Variants in MGST1 observed in about 807,000 individuals in gnomAD.
MGST1 encodes the protein glutathione S-transferase 12.
Under a neutral mutation model 8.9 loss-of-function variants are expected in MGST1, and 5 were observed. That is an observed-to-expected ratio of 0.56 (90% CI 0.29 to 1.19). MGST1 has a LOEUF of 1.19. Among genes scored for constraint, MGST1 ranks in the 50% most tolerant of loss-of-function variants. MGST1 has a pLI of 0.08. For synonymous variants in MGST1, 54 were observed against 67.8 expected, an observed-to-expected ratio of 0.80 and a Z score of 1.00; for missense variants, 182 against 187.4, an observed-to-expected ratio of 0.97 and a Z score of 0.17.
chr12:16,441,943 G>T (rs758776379), downstream of MGST1, among the ~76,000 whole-genome samples: 1 of 151,686 alleles, frequency 6.6e-6, no homozygotes, highest in Admixed American at 6.6e-5. Flanking sequence ...TTGCATCTCC[G>T]TCAGCAATGC....
intron 4 of MGST1, among the ~76,000 whole-genome samples, chr12:16,569,114 C>T (rs938659933): frequency 6.6e-6 from 1 of 152,126 alleles, no homozygotes; most frequent in Non-Finnish European, 1.5e-5. Context: ...AAGACAGCAA[C>T]AACAATATGT....
chr12:16,571,761 C>A (rs1425620336), intron 4 of MGST1, among the ~76,000 whole-genome samples: 4 of 151,976 alleles, frequency 2.6e-5, no homozygotes, highest in Non-Finnish European at 5.9e-5. Context: ...TTCTGTGATT[C>A]TTCATTCTAA....
intron 4 of MGST1, among the ~76,000 whole-genome samples, chr12:16,568,257 T>C (rs950277352): frequency 7.2e-5 from 11 of 152,204 alleles, no homozygotes; most frequent in African/African-American, 1.4e-4. Context: ...ATAAAATACC[T>C]GCCATAAACA....
chr12:16,448,023 A>G (rs1941095294), intron 4 of MGST1, among the ~76,000 whole-genome samples: 1 of 151,860 alleles, frequency 6.6e-6, no homozygotes, highest in South Asian at 2.1e-4. Context: ...TCATCTATGT[A>G]TGGTAGTAGT....
chr12:16,524,305 TG>T (rs1244247134), intron 4 of MGST1, among the ~76,000 whole-genome samples: 5 of 152,078 alleles, frequency 3.3e-5, no homozygotes, highest in Non-Finnish European at 7.4e-5. Flanking sequence ...TAAAATACTT[TG>T]GTTCAGAACT....
Position 16,482,570 on chromosome 12 carries a change from G to A in MGST1, n.482+98966G>A, listed in dbSNP as rs771752403. Among the ~76,000 whole-genome samples the A allele has an allele frequency of 3.1e-4, 47 of 151,928 alleles. No individual in the cohort carries two copies. The highest frequency in any genetic ancestry group is 4.9e-4 in the Non-Finnish European group (33 of 67,986). Reference sequence around the variant, plus strand: ...TGCTTGAAACTGGGAGGTGGAGATTGCAGTGAGCCAAGATCACGCCACTGC... The same window carrying A: ...TGCTTGAAACTGGGAGGTGGAGATTACAGTGAGCCAAGATCACGCCACTGC... On this transcript the variant is annotated intron_variant and non_coding_transcript_variant, in intron 4 of 4. Transcript: ENST00000538857. This position sits in a 1 kb window ranked among gnomAD's most constrained non-coding sequence, Gnocchi z 4.2.
chr12:16,348,411 G>A (rs1382334972), intron 1 of MGST1, among the ~76,000 whole-genome samples: 3 of 152,116 alleles, frequency 2.0e-5, no homozygotes, highest in Non-Finnish European at 4.4e-5. Flanking sequence ...AAAAGGAGAA[G>A]GGAACTCTCT....
At chr12:16,507,727 T>C (rs1941548402) in intron 4 of MGST1, among the ~76,000 whole-genome samples, 1 of 152,042 alleles carries the variant, frequency 6.6e-6, no homozygotes, top group Non-Finnish European at 1.5e-5. Flanking sequence ...GGGGAAGTGC[T>C]ACACTTTCAA....
At chr12:16,405,231 A>T (rs762605939) in intron 1 of MGST1, among the ~76,000 whole-genome samples, 2 of 152,158 alleles carry the variant, frequency 1.3e-5, no homozygotes, top group South Asian at 2.1e-4. Flanking sequence ...AATTCAAAAG[A>T]TTAGCAAATC....
chr12:16,412,588 T>G (rs1219944550), intron 1 of MGST1, among the ~76,000 whole-genome samples: 1 of 152,206 alleles, frequency 6.6e-6, no homozygotes, highest in Non-Finnish European at 1.5e-5. Context: ...TGCCCACATG[T>G]CCTGGGAGGG....
At chr12:16,499,694 G>A (rs1565465238) in intron 4 of MGST1, among the ~76,000 whole-genome samples, 1 of 151,696 alleles carries the variant, frequency 6.6e-6, no homozygotes, top group Non-Finnish European at 1.5e-5. Flanking sequence ...TAAATTTAAA[G>A]GCAGACTTGC....
chr12:16,426,530 A>G (rs1416222525), intron 1 of MGST1, among the ~76,000 whole-genome samples: 1 of 152,152 alleles, frequency 6.6e-6, no homozygotes, highest in African/African-American at 2.4e-5. Context: ...CAATCATCCA[A>G]TAAATATTTA....
At chr12:16,551,695 T>C (rs1163286062) in intron 4 of MGST1, among the ~76,000 whole-genome samples, 1 of 151,924 alleles carries the variant, frequency 6.6e-6, no homozygotes, top group Non-Finnish European at 1.5e-5. Context: ...AATGTTTCAC[T>C]GCAGTAATTA....
chr12:16,365,433 A>G (rs1156602105), downstream of MGST1, among the ~76,000 whole-genome samples: 2 of 152,288 alleles, frequency 1.3e-5, no homozygotes, highest in Non-Finnish European at 2.9e-5. Context: ...AGTACTTTTA[A>G]TGACATTTGT....
intron 4 of MGST1, among the ~76,000 whole-genome samples, chr12:16,481,276 G>C (rs1037600951): frequency 6.6e-6 from 1 of 152,206 alleles, no homozygotes; most frequent in Non-Finnish European, 1.5e-5. Context: ...GATCTGGGTA[G>C]GTAATGCTGA....
intron 3 of MGST1, among the ~76,000 whole-genome samples, chr12:16,360,698 A>G (rs925310470): frequency 2.0e-5 from 3 of 152,200 alleles, no homozygotes; most frequent in Non-Finnish European, 4.4e-5. Context: ...TTGAGTTGGT[A>G]TTTAGGGACA....
rs1295107435 is a variant in MGST1 at position 16,544,889 on chromosome 12, G to A, written n.483-44639G>A. On this transcript the variant is annotated intron_variant and non_coding_transcript_variant, in intron 4 of 4. Transcript: ENST00000538857. This position sits in a 1 kb window ranked among gnomAD's most constrained non-coding sequence, Gnocchi z 4.8. The stretch of plus-strand genomic sequence containing the variant: ...ACTGGCTGAAGTTTGCATCATTTTG[G>A]ACAGCATAGCTAGTTCTTGTGCCCC... 2.6e-5 allele frequency among the ~76,000 whole-genome samples: 4 copies of A among 152,020 alleles called. No homozygotes were observed. The highest frequency in any genetic ancestry group is 5.9e-5 in the Non-Finnish European group (4 of 67,952).
chr12:16,395,792 T>TACACACACACACAC (rs1371254759), intron 1 of MGST1, among the ~76,000 whole-genome samples: 2 of 124,628 alleles, frequency 1.6e-5, no homozygotes, highest in Admixed American at 8.3e-5. Flanking sequence ...TATATATATA[T>TACACACACACACAC]ATATATATAT....
intron 4 of MGST1, among the ~76,000 whole-genome samples, chr12:16,562,387 C>T (rs533147670): frequency 3.3e-5 from 5 of 152,082 alleles, no homozygotes; most frequent in African/African-American, 7.2e-5. Context: ...GGTTAACATG[C>T]GATAAAGCCG....
Sources: gnomAD v4.1 joint callset for allele counts (sites outside exome capture counted in the v4.1 genomes callset) on GRCh38, gnomAD v4.1.1 for gene constraint, Gnocchi (gnomAD v3.1) non-coding constraint, MANE v1.5 for transcripts, NCBI Gene and HGNC (gene_info 2026-07-23, HGNC 2026-07-21) for gene names.